Variants in HDAC4 observed in about 807,000 individuals in gnomAD.
The protein encoded by HDAC4 is histone deacetylase A.
Under a neutral mutation model 135.1 loss-of-function variants are expected in HDAC4, and 16 were observed. The ratio of observed to expected loss-of-function variants is 0.12; its 90% CI spans 0.08 to 0.18. The LOEUF is 0.18. HDAC4 is among the 10% of genes least tolerant of loss of function. The pLI, the probability that HDAC4 is intolerant of heterozygous loss-of-function variation, is 1.00. For missense variants in HDAC4, 1,143 were observed against 1,511.8 expected (o/e 0.76, Z 4.05); for synonymous variants, 685 against 653.4 (o/e 1.05, Z -0.74).
At chr2:239,384,193 C>T (rs1046280992) in intron 1 of HDAC4, among the ~76,000 whole-genome samples, 1 of 152,186 alleles carries the variant, frequency 6.6e-6, no homozygotes, top group African/African-American at 2.4e-5. Context: ...GATCCCAGGT[C>T]CTCTGTATCA....
chr2:239,270,310 C>T (rs776980523), intron 2 of HDAC4, among the ~76,000 whole-genome samples: 3 of 152,272 alleles, frequency 2.0e-5, no homozygotes, highest in South Asian at 4.1e-4. Context: ...CTGAGCAAGC[C>T]GAAAGAACTC....
At chr2:239,272,193 A>C (rs6705378) in intron 2 of HDAC4, among the ~76,000 whole-genome samples, 4 of 152,022 alleles carry the variant, frequency 2.6e-5, no homozygotes, top group Non-Finnish European at 5.9e-5. Context: ...ATTTACATTC[A>C]ACAGAAGCCA....
intron 5 of HDAC4, among the ~76,000 whole-genome samples, chr2:239,166,973 A>C (rs2043154311): frequency 6.6e-6 from 1 of 152,188 alleles, no homozygotes; most frequent in African/African-American, 2.4e-5. Flanking sequence ...CTGACAGTGC[A>C]GGGAAGTAGT....
chr2:239,368,398 C>T (rs1329205628), intron 1 of HDAC4, among the ~76,000 whole-genome samples: 9 of 152,184 alleles, frequency 5.9e-5, no homozygotes, highest in African/African-American at 2.2e-4. Flanking sequence ...TACCATCTTG[C>T]GTGGCTGGCG....
chr2:239,093,158 C>T (rs1400830613), intron 17 of HDAC4, among the ~76,000 whole-genome samples: 1 of 152,224 alleles, frequency 6.6e-6, no homozygotes, highest in Non-Finnish European at 1.5e-5. Context: ...AGGAGCAACG[C>T]AGGAGCTGAT....
At chr2:239,378,677 C>CA (rs1559396180) in intron 1 of HDAC4, among the ~76,000 whole-genome samples, 3 of 127,082 alleles carry the variant, frequency 2.4e-5, no homozygotes, top group Non-Finnish European at 5.7e-5. Context: ...CCAATGACCC[C>CA]GGGAACCAAT....
chr2:239,356,667 C>T (rs1477552896), intron 1 of HDAC4, among the ~76,000 whole-genome samples: 3 of 151,984 alleles, frequency 2.0e-5, no homozygotes, highest in Non-Finnish European at 4.4e-5. Flanking sequence ...ATACAGAAGA[C>T]CACTTCATAA....
At chr2:239,148,554 C>T (rs2041910711) in intron 7 of HDAC4, among the ~76,000 whole-genome samples, 1 of 152,232 alleles carries the variant, frequency 6.6e-6, no homozygotes, top group African/African-American at 2.4e-5. Flanking sequence ...GCAACAGCCA[C>T]ATCGAGGGCA....
chr2:239,062,132 G>C (rs7579350), intron 24 of HDAC4, among the ~76,000 whole-genome samples: 3,193 of 152,370 alleles, frequency 0.021, 130 homozygotes, highest in African/African-American at 0.073. Context: ...ACTGCCCATA[G>C]TCACTGGCAG....
At chr2:239,401,614 CCAG>C (rs1288432502), upstream of HDAC4, 6 of 249,856 alleles carry the variant, frequency 2.4e-5, no homozygotes, top group Non-Finnish European at 4.7e-5. Context: ...GGGGAGCCGG[CCAG>C]GCCTCGCCGC....
At chr2:239,232,411 T>C (rs1348218678) in intron 3 of HDAC4, among the ~76,000 whole-genome samples, 1 of 152,254 alleles carries the variant, frequency 6.6e-6, no homozygotes, top group African/African-American at 2.4e-5. Flanking sequence ...TCAATGGCTC[T>C]GTTTGCTCAC....
intron 3 of HDAC4, among the ~76,000 whole-genome samples, chr2:239,206,566 C>T (rs1187525551): frequency 1.3e-5 from 2 of 150,374 alleles, no homozygotes; most frequent in African/African-American, 4.9e-5. Flanking sequence ...TTTTAAATGA[C>T]ATGACAGGGC....
At chr2:239,154,403 G>A (rs564398208) in intron 7 of HDAC4, among the ~76,000 whole-genome samples, 1 of 152,170 alleles carries the variant, frequency 6.6e-6, no homozygotes, top group Non-Finnish European at 1.5e-5. Flanking sequence ...GGAAATGGAG[G>A]CCAGGGGAAC....
chr2:239,255,574 T>C (rs1368109090), intron 2 of HDAC4, among the ~76,000 whole-genome samples: 1 of 152,202 alleles, frequency 6.6e-6, no homozygotes, highest in Non-Finnish European at 1.5e-5. Flanking sequence ...CAGCTGTCCC[T>C]GAAATTGTAC....
intron 3 of HDAC4, among the ~76,000 whole-genome samples, chr2:239,219,491 G>GA (rs1468819428): frequency 6.7e-6 from 1 of 149,482 alleles, no homozygotes; most frequent in Admixed American, 6.7e-5. Context: ...AGGAGGGAGG[G>GA]ATAGCATTAA....
intron 9 of HDAC4, among the ~76,000 whole-genome samples, chr2:239,136,848 C>T (rs1203683187): frequency 1.3e-5 from 2 of 152,204 alleles, no homozygotes; most frequent in African/African-American, 4.8e-5. Flanking sequence ...GGCCTTCTCA[C>T]TTAGGAGCAA....
intron 16 of HDAC4, among the ~76,000 whole-genome samples, chr2:239,097,894 C>T (rs903434605): frequency 2.0e-5 from 3 of 152,218 alleles, no homozygotes; most frequent in African/African-American, 7.2e-5. Context: ...CCGTGGGCCA[C>T]GTCCTTCCAT....
chr2:239,084,998 T>C (rs1010200778), intron 19 of HDAC4, among the ~76,000 whole-genome samples: 3 of 134,592 alleles, frequency 2.2e-5, no homozygotes, highest in African/African-American at 8.5e-5. Flanking sequence ...CACATAAGCA[T>C]ATACCTATCA....
intron 15 of HDAC4, among the ~76,000 whole-genome samples, chr2:239,105,492 T>A (rs1559436537): frequency 6.6e-6 from 1 of 152,178 alleles, no homozygotes. Flanking sequence ...GCGAGACAGC[T>A]GCACTGGGAG....
Sources: gnomAD v4.1 joint callset for allele counts (sites outside exome capture counted in the v4.1 genomes callset) on GRCh38, gnomAD v4.1.1 for gene constraint, MANE v1.5 for transcripts, NCBI Gene and HGNC (gene_info 2026-07-23, HGNC 2026-07-21) for gene names.